The following GMNN variants were observed in gnomAD, a reference collection of about 807,000 sequenced individuals.
The protein encoded by GMNN is geminin DNA replication inhibitor.
GMNN carries 14 observed loss-of-function variants against 20.9 expected under a neutral mutation model. That is an observed-to-expected ratio of 0.67 (90% CI 0.44 to 1.05). GMNN has a LOEUF of 1.05. Ranked by LOEUF, GMNN falls within the 50% of genes least tolerant of loss-of-function variation. GMNN has a pLI of 0.00. For missense variants in GMNN, 227 were observed against 243.8 expected (o/e 0.93, Z 0.46); for synonymous variants, 81 against 85.8 (o/e 0.94, Z 0.31).
At chr6:24,784,364 T>A in intron 5 of GMNN, 80 bp from the exon 6 acceptor site, 1 of 746,564 alleles carries the variant, frequency 1.3e-6, no homozygotes, top group Non-Finnish European at 2.4e-6. Flanking sequence ...ATGTCCTCCA[T>A]GTTATATACT....
chr6:24,783,627 G>A (rs1780274991), intron 4 of GMNN, among the ~76,000 whole-genome samples: 1 of 152,020 alleles, frequency 6.6e-6, no homozygotes, highest in East Asian at 1.9e-4. Context: ...TGACAAATTG[G>A]CGTGTGCTTC....
chr6:24,781,784 G>T (rs911380131), intron 4 of GMNN, among the ~76,000 whole-genome samples, 163 bp downstream of exon 4: 1 of 152,104 alleles, frequency 6.6e-6, no homozygotes, highest in Non-Finnish European at 1.5e-5. Flanking sequence ...ATCCATGTGT[G>T]GATGAAATGT....
At chr6:24,781,234 TA>T (rs992638986) in intron 3 of GMNN, among the ~76,000 whole-genome samples, 2 of 148,552 alleles carry the variant, frequency 1.3e-5, no homozygotes, top group African/African-American at 5.2e-5. Flanking sequence ...TTTTAAAAAA[TA>T]AATAAATAAT....
In GMNN at chr6:24,779,610, G is replaced by A. The variant is rs190886835; in HGVS notation, c.52-1053G>A. Among the ~76,000 whole-genome samples the A allele has an allele frequency of 3.1e-3, 465 of 152,294 alleles. 4 individuals carry two copies. Among genetic ancestry groups the A allele is most frequent in the African/African-American group, 0.011 (442 of 41,568 alleles). ...GCAGTAGAAACTTTACCGTGGGAAA[G>A]GTGAACTCTTATCATGTGAAGTACA... On this transcript the variant is annotated intron_variant, in intron 2 of 6. Coordinates refer to ENST00000230056, the MANE Select transcript of GMNN (RefSeq NM_015895.5).
At chr6:24,779,548 G>T (rs1780152189) in intron 2 of GMNN, among the ~76,000 whole-genome samples, 1 of 152,156 alleles carries the variant, frequency 6.6e-6, no homozygotes, top group Non-Finnish European at 1.5e-5. Context: ...ACAGTAGCTG[G>T]CATTTGTCCT....
At chr6:24,782,675 A>G (rs1362614603) in intron 4 of GMNN, among the ~76,000 whole-genome samples, 1 of 152,234 alleles carries the variant, frequency 6.6e-6, no homozygotes, top group Non-Finnish European at 1.5e-5. Flanking sequence ...AATTAAATCA[A>G]GGATTAGTTA....
intron 1 of GMNN, among the ~76,000 whole-genome samples, chr6:24,776,299 T>C (rs1317833453): frequency 2.6e-5 from 4 of 152,084 alleles, no homozygotes; most frequent in African/African-American, 2.4e-5. Context: ...AGTTTCACCA[T>C]ATTGGCCAGG....
chr6:24,784,149 G>A lies in GMNN; in HGVS notation c.337G>A (p.Ala113Thr). The part of the protein sequence containing the change: ...AEKRRKALYE[A>T]LKENEKLHKE... ...AAAACGGAGAAAGGCGCTGTATGAA[G>A]CACTTAAGGAAAATGAGAAAGTATG... The change falls in exon 5 of 7, where the codon GCA (alanine) becomes ACA (threonine). Residue 113 changes from alanine to threonine, a missense_variant. Coordinates refer to ENST00000230056, the MANE Select transcript of GMNN (RefSeq NM_015895.5). The A allele has an allele frequency of 6.6e-7, 1 of 1,513,610 alleles. No individual in the cohort carries two copies. Among genetic ancestry groups the A allele is most frequent in the Non-Finnish European group, 9.2e-7 (1 of 1,090,358 alleles). The allele number at this position is 1,513,610 out of a possible 1,614,324, so 93.8% of individuals were successfully genotyped here.
intron 2 of GMNN, among the ~76,000 whole-genome samples, chr6:24,778,101 T>A (rs1213017084): frequency 6.6e-6 from 1 of 152,228 alleles, no homozygotes; most frequent in Non-Finnish European, 1.5e-5. Flanking sequence ...TATTTATGGT[T>A]CTAAGTTAAT....
chr6:24,776,503 A>G (rs1405828021), intron 1 of GMNN, among the ~76,000 whole-genome samples: 2 of 152,212 alleles, frequency 1.3e-5, no homozygotes, highest in African/African-American at 4.8e-5. Context: ...GGTAAAATGT[A>G]TTAATGTTAG....
intron 1 of GMNN, among the ~76,000 whole-genome samples, chr6:24,776,571 G>A (rs1357992448): frequency 6.6e-6 from 1 of 152,220 alleles, no homozygotes; most frequent in Non-Finnish European, 1.5e-5. Flanking sequence ...TATCGACGAG[G>A]CACAGGCGCA....
In GMNN at chr6:24,780,658, T is replaced by C; in HGVS notation, c.52-5T>C. Reference sequence around the variant, plus strand: ...ACAAGATAATGAATTATGCTGACTTTTTAGAATAGTTCTGTCCCAAGAAGA... The same window carrying C: ...ACAAGATAATGAATTATGCTGACTTCTTAGAATAGTTCTGTCCCAAGAAGA... On this transcript the variant is annotated splice_polypyrimidine_tract_variant and splice_region_variant and intron_variant, in intron 2 of 6. Transcript: ENST00000230056. 3.3e-6 allele frequency: 5 copies of C among 1,530,054 alleles called. No individual in the cohort carries two copies. Among genetic ancestry groups the C allele is most frequent in the Non-Finnish European group, 4.5e-6 (5 of 1,104,114 alleles). The allele number at this position is 1,530,054 out of a possible 1,614,324, so 94.8% of individuals were successfully genotyped here. A position where few individuals can be genotyped will look rare whatever the true frequency, so the allele number is the denominator to read the frequency against.
Position 24,777,307 on chromosome 6 carries a change from T to G in GMNN, c.51+10T>G. The G allele has an allele frequency of 9.2e-7, 1 of 1,091,262 alleles. No homozygotes were observed. Among genetic ancestry groups the G allele is most frequent in the Admixed American group, 2.5e-5 (1 of 40,582 alleles). The allele number at this position is 1,091,262 out of a possible 1,614,324, so 67.6% of individuals were successfully genotyped here. A position where few individuals can be genotyped will look rare whatever the true frequency, so the allele number is the denominator to read the frequency against. ...CAAAGAGAATATAAAGGTATGTGAT[T>G]GAATAACTTTAATTTTTTTTTGTAG... On this transcript the variant is annotated intron_variant, in intron 2 of 6. Coordinates refer to ENST00000230056, the MANE Select transcript of GMNN (RefSeq NM_015895.5).
intron 3 of GMNN, among the ~76,000 whole-genome samples, chr6:24,781,181 G>A (rs1433520094): frequency 1.3e-5 from 2 of 151,972 alleles, no homozygotes; most frequent in African/African-American, 4.8e-5. Flanking sequence ...TCCAGCTTGG[G>A]TGACAGAGCG....
At chr6:24,776,490 C>G (rs1398779006) in intron 1 of GMNN, among the ~76,000 whole-genome samples, 1 of 152,170 alleles carries the variant, frequency 6.6e-6, no homozygotes, top group African/African-American at 2.4e-5. Flanking sequence ...CGCCAGGACA[C>G]AAGGTAAAAT....
chr6:24,778,988 G>A (rs929988186), intron 2 of GMNN, among the ~76,000 whole-genome samples: 1 of 152,112 alleles, frequency 6.6e-6, no homozygotes, highest in African/African-American at 2.4e-5. Context: ...GAATATAAAG[G>A]ATACTAGGTT....
At chr6:24,780,559 T>G in intron 2 of GMNN, 104 bp from the exon 3 acceptor site, 1 of 649,122 alleles carries the variant, frequency 1.5e-6, no homozygotes. Context: ...TTTCCACCCC[T>G]AAATTATAGA....
At chr6:24,782,308 T>G (rs763880361) in intron 4 of GMNN, among the ~76,000 whole-genome samples, 43 of 152,156 alleles carry the variant, frequency 2.8e-4, no homozygotes, top group Non-Finnish European at 6.2e-4. Flanking sequence ...ATGAGAAGAA[T>G]TATGCCTATA....
At chr6:24,782,416 T>G (rs539924675) in intron 4 of GMNN, among the ~76,000 whole-genome samples, 1 of 152,334 alleles carries the variant, frequency 6.6e-6, no homozygotes, top group Admixed American at 6.5e-5. Context: ...CTGTATGAAT[T>G]ATGGGTCATT....
Sources: gnomAD v4.1 joint callset for allele counts (sites outside exome capture counted in the v4.1 genomes callset) on GRCh38, gnomAD v4.1.1 for gene constraint, MANE v1.5 for transcripts, NCBI Gene and HGNC (gene_info 2026-07-23, HGNC 2026-07-21) for gene names.